The following MRPL48 variants were observed in gnomAD, a reference collection of about 807,000 sequenced individuals.
The protein encoded by MRPL48 is large ribosomal subunit protein mL48.
A neutral mutation model predicts 32.9 loss-of-function variants in MRPL48; 16 were observed. That is an observed-to-expected ratio of 0.49 (90% CI 0.33 to 0.74). The LOEUF is 0.74. Among genes scored for constraint, MRPL48 ranks in the 30% least tolerant of loss-of-function variants. The probability of loss-of-function intolerance (pLI) is 0.02; values close to 1 mark genes in which losing one functional copy is unlikely to be tolerated. For missense variants in MRPL48, 206 were observed against 245.3 expected (o/e 0.84, Z 1.07); for synonymous variants, 94 against 89.2 (o/e 1.05, Z -0.31).
intron 4 of MRPL48, among the ~76,000 whole-genome samples, chr11:73,826,326 T>A (rs1392560067): frequency 6.6e-6 from 1 of 152,118 alleles, no homozygotes; most frequent in African/African-American, 2.4e-5. Context: ...GGCCTGATTT[T>A]ATTATTTGTA....
chr11:73,794,130 C>A (rs368513610), intron 1 of MRPL48, among the ~76,000 whole-genome samples: 1 of 151,282 alleles, frequency 6.6e-6, no homozygotes, highest in African/African-American at 2.4e-5. Flanking sequence ...AAGGCTGCAG[C>A]GAGCTCTGTG....
At chr11:73,856,627 C>G (rs1948485564) in intron 5 of MRPL48, among the ~76,000 whole-genome samples, 1 of 152,174 alleles carries the variant, frequency 6.6e-6, no homozygotes, top group Admixed American at 6.5e-5. Flanking sequence ...CAGCATCACT[C>G]ACTATGAGGC....
intron 4 of MRPL48, among the ~76,000 whole-genome samples, chr11:73,835,140 C>CTTTTTTTT (rs35448499): frequency 9.2e-6 from 1 of 108,492 alleles, no homozygotes. Flanking sequence ...GCCATGTTGT[C>CTTTTTTTT]TTTTTTTTTT....
intron 2 of MRPL48, among the ~76,000 whole-genome samples, chr11:73,806,950 A>G (rs1455402948): frequency 6.6e-6 from 1 of 151,916 alleles, no homozygotes; most frequent in African/African-American, 2.4e-5. Flanking sequence ...GTTCACTGCA[A>G]CCTCTACCAT....
chr11:73,864,582 A>G lies in MRPL48; in HGVS notation c.*212A>G, dbSNP rs2085556443. On this transcript the variant is annotated 3_prime_UTR_variant, in exon 8 of 8. Coordinates refer to ENST00000310614, the MANE Select transcript of MRPL48 (RefSeq NM_016055.6). ...GGTAATGCTTGTTATCTTCCATCTA[A>G]TAAAAATCTGCTGCAGATGTGTATA... 12 of 582,712 alleles carry G rather than the reference A, an allele frequency of 2.1e-5. No individual in the cohort carries two copies. The highest frequency in any genetic ancestry group is 3.7e-5 in the Non-Finnish European group (12 of 325,978). The allele number at this position is 582,712 out of a possible 1,614,324, so 36.1% of individuals were successfully genotyped here.
chr11:73,849,852 C>T (rs34475888), intron 5 of MRPL48, among the ~76,000 whole-genome samples: 8,597 of 152,234 alleles, frequency 0.056, 269 homozygotes, highest in Middle Eastern at 0.11. Context: ...AATCCCAGTA[C>T]TTTGGGAGGC....
chr11:73,814,131 G>A (rs897208318), intron 3 of MRPL48, among the ~76,000 whole-genome samples: 1 of 151,452 alleles, frequency 6.6e-6, no homozygotes, highest in Non-Finnish European at 1.5e-5. Context: ...AGTGGGTTAC[G>A]CTTATAACCT....
At chr11:73,822,802 G>A (rs1355521403) in intron 3 of MRPL48, among the ~76,000 whole-genome samples, 2 of 152,294 alleles carry the variant, frequency 1.3e-5, no homozygotes, top group African/African-American at 2.4e-5. Context: ...AGCCAGGGAA[G>A]CTTCATCTGT....
chr11:73,828,173 T>C (rs1443698773), intron 4 of MRPL48, among the ~76,000 whole-genome samples: 1 of 152,140 alleles, frequency 6.6e-6, no homozygotes, highest in Non-Finnish European at 1.5e-5. Context: ...ATATCTATTA[T>C]GTGCTAGGAA....
At chr11:73,851,035 A>G (rs1167417732) in intron 5 of MRPL48, 2 of 492,348 alleles carry the variant, frequency 4.1e-6, no homozygotes, top group Non-Finnish European at 8.2e-6. Flanking sequence ...TCAAAGACCC[A>G]TAAATTTGTT....
chr11:73,806,341 G>A (rs1279333064), intron 2 of MRPL48, among the ~76,000 whole-genome samples: 1 of 151,990 alleles, frequency 6.6e-6, no homozygotes, highest in Non-Finnish European at 1.5e-5. Flanking sequence ...GATAATCTAA[G>A]CACCTTCCCA....
At chr11:73,812,614 T>C (rs920824767) in intron 3 of MRPL48, among the ~76,000 whole-genome samples, 3 of 151,822 alleles carry the variant, frequency 2.0e-5, no homozygotes, top group Non-Finnish European at 4.4e-5. Context: ...AGTCCCAGAA[T>C]GGTCCTTTGA....
At chr11:73,833,471 A>G (rs967084180) in intron 4 of MRPL48, among the ~76,000 whole-genome samples, 2 of 152,082 alleles carry the variant, frequency 1.3e-5, no homozygotes, top group Non-Finnish European at 2.9e-5. Context: ...CCATTATCTC[A>G]GATCCTTGCA....
intron 1 of MRPL48, among the ~76,000 whole-genome samples, chr11:73,794,591 A>G (rs1947216238): frequency 6.6e-6 from 1 of 152,064 alleles, no homozygotes; most frequent in Non-Finnish European, 1.5e-5. Flanking sequence ...AGGTCAGACA[A>G]ACAAACAAAC....
rs554343369 is a variant in MRPL48, at chr11:73,819,107, T to C, written c.113-6601T>C. ...GAGGCTTTCAAACTTGTAAATTTTA[T>C]AATTAAAACAACTGGCTAATTAAGC... On this transcript the variant is annotated intron_variant, in intron 3 of 7. Coordinates refer to ENST00000310614, the MANE Select transcript of MRPL48 (RefSeq NM_016055.6). Among the ~76,000 whole-genome samples, 3 of 152,358 alleles carry C rather than the reference T, an allele frequency of 2.0e-5. No individual in the cohort carries two copies. In the South Asian group the frequency reaches 6.2e-4, roughly 32 times the overall value.
chr11:73,831,963 A>G (rs1948004376), intron 4 of MRPL48, among the ~76,000 whole-genome samples: 1 of 149,852 alleles, frequency 6.7e-6, no homozygotes, highest in Non-Finnish European at 1.5e-5. Flanking sequence ...AAAAAAAAAA[A>G]GTAAAAATAA....
intron 5 of MRPL48, among the ~76,000 whole-genome samples, chr11:73,847,519 C>T (rs1209835910): frequency 6.6e-6 from 1 of 151,992 alleles, no homozygotes; most frequent in African/African-American, 2.4e-5. Flanking sequence ...CAGCTCACTG[C>T]AAACTCTGCC....
At chr11:73,845,131 T>A in intron 5 of MRPL48, 155 bp downstream of exon 5, 1 of 750,316 alleles carries the variant, frequency 1.3e-6, no homozygotes, top group Non-Finnish European at 1.9e-6. Flanking sequence ...CTAGTTCTAT[T>A]AACCTGAAAA....
At chr11:73,858,834 A>G (rs1390647799) in intron 5 of MRPL48, among the ~76,000 whole-genome samples, 1 of 152,232 alleles carries the variant, frequency 6.6e-6, no homozygotes, top group Non-Finnish European at 1.5e-5. Context: ...TTATACATGA[A>G]GAAACTGAGG....
Sources: allele counts gnomAD v4.1 joint callset (sites outside exome capture counted in the v4.1 genomes callset), GRCh38; gene constraint gnomAD v4.1.1; transcripts MANE v1.5; gene names NCBI Gene and HGNC (gene_info 2026-07-23, HGNC 2026-07-21).